Variants in XRCC5 observed in about 807,000 individuals in gnomAD.
The protein encoded by XRCC5 is DNA repair protein Ku80.
A neutral mutation model predicts 95.7 loss-of-function variants in XRCC5; 12 were observed. That is an observed-to-expected ratio of 0.13 (90% CI 0.08 to 0.20). The LOEUF (loss-of-function observed/expected upper bound fraction) is 0.20. Ranked by LOEUF, XRCC5 falls within the 10% of genes least tolerant of loss-of-function variation. The probability of loss-of-function intolerance (pLI) is 1.00; values close to 1 mark genes in which losing one functional copy is unlikely to be tolerated. For missense variants in XRCC5, 595 were observed against 873.9 expected (o/e 0.68, Z 4.02); for synonymous variants, 281 against 290.3 (o/e 0.97, Z 0.33).
chr2:216,184,200 G>C (rs1689448477), intron 16 of XRCC5, among the ~76,000 whole-genome samples: 1 of 152,168 alleles, frequency 6.6e-6, no homozygotes, highest in Admixed American at 6.5e-5. Flanking sequence ...GTTGTTTATT[G>C]TCATGGTCCA....
At chr2:216,183,962 G>T (rs1324221101) in intron 16 of XRCC5, among the ~76,000 whole-genome samples, 9 of 151,940 alleles carry the variant, frequency 5.9e-5, no homozygotes, top group African/African-American at 1.7e-4. Flanking sequence ...CAAGAGCAAA[G>T]AGCACTCTTC....
At chr2:216,122,916 A>G (rs1200724884) in intron 6 of XRCC5, among the ~76,000 whole-genome samples, 1 of 152,232 alleles carries the variant, frequency 6.6e-6, no homozygotes, top group Non-Finnish European at 1.5e-5. Context: ...GGAAGAGACC[A>G]TCTCCTTTAT....
intron 11 of XRCC5, among the ~76,000 whole-genome samples, 175 bp from the exon 12 acceptor site, chr2:216,137,914 C>T (rs1697113584): frequency 6.6e-6 from 1 of 152,182 alleles, no homozygotes; most frequent in Admixed American, 6.5e-5. Context: ...ATACTGTTTG[C>T]AGTTGTGAAC....
chr2:216,202,114 C>T (rs41296793), intron 19 of XRCC5, among the ~76,000 whole-genome samples: 260 of 152,234 alleles, frequency 1.7e-3, no homozygotes, highest in African/African-American at 5.9e-3. Context: ...ACAATAAGTC[C>T]TTATCTAAGG....
chr2:216,192,667 T>C lies in XRCC5; in HGVS notation c.1973T>C (p.Phe658Ser). The C allele has an allele frequency of 6.3e-7, 1 of 1,599,286 alleles. No individual in the cohort carries two copies. Among genetic ancestry groups the C allele is most frequent in the South Asian group, 1.1e-5 (1 of 87,972 alleles). Residue 658 changes from phenylalanine (F) to serine (S), a missense_variant, in exon 18 of 21, where the codon TTC becomes TCC. By Grantham distance (155) the Phe-to-Ser change is radical. Coordinates refer to ENST00000392132, the MANE Select transcript of XRCC5 (RefSeq NM_021141.4). ...TCAGAAGAGCAGCGCTTTAACAACT[T>C]CCTGAAAGCCCTTCAAGAGAAAGTG... ...KFSEEQRFNN[F>S]LKALQEKVEI...
intron 16 of XRCC5, among the ~76,000 whole-genome samples, chr2:216,170,328 A>G (rs1689137648): frequency 6.6e-6 from 1 of 152,110 alleles, no homozygotes; most frequent in Non-Finnish European, 1.5e-5. Context: ...TGTGCTGAGT[A>G]ATTTTTCTCT....
intron 5 of XRCC5, 70 bp from the exon 6 acceptor site, chr2:216,121,992 C>G (rs1243897272): frequency 3.7e-6 from 5 of 1,354,892 alleles, no homozygotes; most frequent in Non-Finnish European, 4.9e-6. Context: ...CTGATGTGCT[C>G]ATTTTCTCAT....
intron 16 of XRCC5, among the ~76,000 whole-genome samples, chr2:216,163,995 C>A (rs559986328): frequency 7.9e-5 from 12 of 152,188 alleles, no homozygotes; most frequent in Non-Finnish European, 1.0e-4. Context: ...ATCTGAAGTT[C>A]TAAGTGACAG....
chr2:216,164,364 C>T (rs1344193763), intron 16 of XRCC5, among the ~76,000 whole-genome samples: 1 of 152,156 alleles, frequency 6.6e-6, no homozygotes, highest in African/African-American at 2.4e-5. Flanking sequence ...TAGCCACTAG[C>T]GGTTTCATAT....
At chr2:216,146,005 T>G (rs892778862) in intron 13 of XRCC5, among the ~76,000 whole-genome samples, 1 of 152,176 alleles carries the variant, frequency 6.6e-6, no homozygotes, top group Non-Finnish European at 1.5e-5. Context: ...TTATGCATAA[T>G]AAGAAGGTGG....
Position 216,131,005 on chromosome 2 carries a change from C to G in XRCC5, c.1050+18C>G. 1.9e-6 allele frequency: 3 copies of G among 1,578,354 alleles called. No homozygotes were observed. Among genetic ancestry groups the G allele is most frequent in the Non-Finnish European group, 2.6e-6 (3 of 1,152,058 alleles). ...CTTCTCAGGTATGATTGTGAACAAA[C>G]TAAATGAGCTTTTTCCTAGCTGTTA... On this transcript the variant is annotated intron_variant, in intron 9 of 20. Coordinates refer to ENST00000392132, the MANE Select transcript of XRCC5 (RefSeq NM_021141.4).
At chr2:216,116,417 C>T (rs116762578) in intron 2 of XRCC5, among the ~76,000 whole-genome samples, 8 of 152,274 alleles carry the variant, frequency 5.3e-5, no homozygotes, top group African/African-American at 1.9e-4. Context: ...TACTACCCTC[C>T]TATTTCCACA....
At chr2:216,183,600 GTCATGCATAATA>G (rs1000985561) in intron 16 of XRCC5, among the ~76,000 whole-genome samples, 2 of 152,146 alleles carry the variant, frequency 1.3e-5, no homozygotes, top group African/African-American at 4.8e-5. Context: ...TGTGCCACTG[GTCATGCATAATA>G]TTATGGCTGT....
chr2:216,141,281 A>T lies in XRCC5; in HGVS notation c.1438A>T (p.Thr480Ser). Residue 480 changes from threonine (T) to serine (S), a missense_variant, in exon 13 of 21, where the codon ACC becomes TCC. By Grantham distance (58) the Thr-to-Ser change is moderately conservative (BLOSUM62 1). Around this residue, in one of 2 missense-constraint regions of XRCC5, gnomAD observed 309 missense variants for 382.9 expected, o/e 0.81. Transcript: ENST00000392132. ...TDTLEDLFPT[T>S]KIPNPRFQRL... ...CACCCTTGAAGACTTGTTTCCAACCACCAAAATCCCAAATCCTCGATTTCA... is the reference window on the plus strand; with the variant it reads ...CACCCTTGAAGACTTGTTTCCAACCTCCAAAATCCCAAATCCTCGATTTCA... 6.2e-7 allele frequency: 1 copy of T among 1,614,170 alleles called. No homozygotes were observed. The highest frequency in any genetic ancestry group is 8.5e-7 in the Non-Finnish European group (1 of 1,179,996).
intron 6 of XRCC5, among the ~76,000 whole-genome samples, chr2:216,125,581 ATG>A (rs1393783191): frequency 1.3e-5 from 2 of 152,156 alleles, no homozygotes; most frequent in Non-Finnish European, 2.9e-5. Context: ...TCATTCATGA[ATG>A]TGCTTTTATC....
intron 19 of XRCC5, among the ~76,000 whole-genome samples, chr2:216,196,742 C>T (rs1403384232): frequency 6.6e-6 from 1 of 152,098 alleles, no homozygotes; most frequent in Non-Finnish European, 1.5e-5. Flanking sequence ...ACGAATATTA[C>T]TAAGATTAAT....
intron 16 of XRCC5, among the ~76,000 whole-genome samples, chr2:216,168,934 C>T (rs1308780266): frequency 6.6e-6 from 1 of 152,226 alleles, no homozygotes; most frequent in African/African-American, 2.4e-5. Flanking sequence ...GGATTTTTTA[C>T]TTAGCCATAC....
At chr2:216,169,018 C>T (rs968879532) in intron 16 of XRCC5, among the ~76,000 whole-genome samples, 5 of 152,244 alleles carry the variant, frequency 3.3e-5, no homozygotes, top group African/African-American at 9.6e-5. Flanking sequence ...ATATCTGAAA[C>T]CTTGTGCCTG....
intron 11 of XRCC5, 113 bp from the exon 12 acceptor site, chr2:216,137,976 T>A: frequency 3.5e-6 from 3 of 851,472 alleles, no homozygotes; most frequent in Non-Finnish European, 5.4e-6. Flanking sequence ...AGAGTTGGGC[T>A]GTCCGATTTT....
Sources: allele counts gnomAD v4.1 joint callset (sites outside exome capture counted in the v4.1 genomes callset), GRCh38; gene constraint gnomAD v4.1.1; regional missense constraint gnomAD v4.1.1; transcripts MANE v1.5; gene names NCBI Gene and HGNC (gene_info 2026-07-23, HGNC 2026-07-21).